The following FHIT variants were observed in gnomAD, a reference collection of about 807,000 sequenced individuals.
The protein encoded by FHIT is fragile histidine triad diadenosine triphosphatase, also known as bis(5'-adenosyl)-triphosphatase.
Under a neutral mutation model 17.9 loss-of-function variants are expected in FHIT, and 19 were observed. The observed-to-expected ratio is 1.06, with a 90% CI of 0.74 to 1.56. The LOEUF (loss-of-function observed/expected upper bound fraction) is 1.56, where lower values mean the gene tolerates loss of function less well. Ranked by LOEUF, FHIT falls within the 40% of genes most tolerant of loss-of-function variation. The pLI is 0.00. For missense variants in FHIT, 248 were observed against 189.2 expected (o/e 1.31, Z -1.82); for synonymous variants, 81 against 69.7 (o/e 1.16, Z -0.81).
chr3:60,552,071 G>C (rs916368221), intron 4 of FHIT, among the ~76,000 whole-genome samples: 4 of 151,990 alleles, frequency 2.6e-5, no homozygotes, highest in African/African-American at 9.7e-5. Flanking sequence ...ACATTCTATA[G>C]AAATGGAGTC....
intron 4 of FHIT, among the ~76,000 whole-genome samples, chr3:60,626,335 T>C (rs2039284732): frequency 6.6e-6 from 1 of 152,230 alleles, no homozygotes; most frequent in Admixed American, 6.5e-5. Flanking sequence ...TAACAATAAC[T>C]CTTCCAATCC....
At chr3:60,038,700 TA>T (rs5849316) in intron 5 of FHIT, among the ~76,000 whole-genome samples, 98,919 of 151,952 alleles carry the variant, frequency 0.65, 32,984 homozygotes, top group Middle Eastern at 0.8. Context: ...TCGCTACTGA[TA>T]AAAGAATTTA....
chr3:60,380,394 T>C (rs1451119246), intron 5 of FHIT, among the ~76,000 whole-genome samples: 1 of 152,220 alleles, frequency 6.6e-6, no homozygotes, highest in African/African-American at 2.4e-5. Flanking sequence ...GTTGGTGCCA[T>C]GCTTGTACAC....
chr3:59,901,458 C>T (rs1312901720), intron 8 of FHIT, among the ~76,000 whole-genome samples: 1 of 152,120 alleles, frequency 6.6e-6, no homozygotes, highest in Non-Finnish European at 1.5e-5. Context: ...CTTATATGGG[C>T]ACAGAATCTG....
At chr3:60,998,275 T>C (rs1342734848) in intron 3 of FHIT, among the ~76,000 whole-genome samples, 1 of 152,230 alleles carries the variant, frequency 6.6e-6, no homozygotes, top group Non-Finnish European at 1.5e-5. Flanking sequence ...GTTTGTTTGC[T>C]TGTTATTCAA....
At chr3:60,220,987 G>T (rs1011135824) in intron 5 of FHIT, among the ~76,000 whole-genome samples, 1 of 152,086 alleles carries the variant, frequency 6.6e-6, no homozygotes, top group African/African-American at 2.4e-5. Flanking sequence ...ATGGCTCCTG[G>T]CGGCTATTAA....
chr3:61,089,096 C>A (rs1181583414), intron 2 of FHIT, among the ~76,000 whole-genome samples: 2 of 152,022 alleles, frequency 1.3e-5, no homozygotes, highest in Admixed American at 6.6e-5. Context: ...GGTACTCAGA[C>A]TTTTTTTGAG....
intron 2 of FHIT, among the ~76,000 whole-genome samples, chr3:61,143,272 A>C (rs1174645511): frequency 6.6e-6 from 1 of 152,222 alleles, no homozygotes; most frequent in Non-Finnish European, 1.5e-5. Flanking sequence ...GAAAGAAAAA[A>C]ACAGTCATGA....
chr3:60,111,674 G>A (rs1019482125), intron 5 of FHIT, among the ~76,000 whole-genome samples: 23 of 152,266 alleles, frequency 1.5e-4, no homozygotes, highest in Admixed American at 1.4e-3. Context: ...ACAGACTATT[G>A]ATTTACAAAG....
chr3:60,523,440 C>G (rs190807077), intron 5 of FHIT, among the ~76,000 whole-genome samples: 42 of 151,972 alleles, frequency 2.8e-4, no homozygotes, highest in Non-Finnish European at 5.1e-4. Context: ...ATGGAAATTT[C>G]CTTGATTATT....
chr3:60,224,063 A>C (rs148102483), intron 5 of FHIT, among the ~76,000 whole-genome samples: 192 of 152,294 alleles, frequency 1.3e-3, no homozygotes, highest in African/African-American at 4.3e-3. Context: ...AAACATTAAC[A>C]ATAATAGCAA....
chr3:60,347,834 C>A (rs761785231), intron 5 of FHIT, among the ~76,000 whole-genome samples: 6 of 152,112 alleles, frequency 3.9e-5, no homozygotes, highest in Admixed American at 2.6e-4. Context: ...TCTTGGCTCA[C>A]TGCAACCTCC....
intron 3 of FHIT, among the ~76,000 whole-genome samples, chr3:61,024,949 C>G (rs2107654521): frequency 6.6e-6 from 1 of 152,074 alleles, no homozygotes; most frequent in East Asian, 1.9e-4. Flanking sequence ...TTTATAAAAG[C>G]TGTAAAGATA....
At chr3:59,909,601 A>T (rs1033901104) in intron 8 of FHIT, among the ~76,000 whole-genome samples, 7 of 151,414 alleles carry the variant, frequency 4.6e-5, no homozygotes, top group African/African-American at 7.3e-5. Flanking sequence ...GAGTATCTTT[A>T]TTTTTTTTTC....
At chr3:61,056,732 C>T (rs575405047) in intron 2 of FHIT, among the ~76,000 whole-genome samples, 1 of 152,218 alleles carries the variant, frequency 6.6e-6, no homozygotes, top group African/African-American at 2.4e-5. Context: ...TCTTAGGGAT[C>T]TGAATGTTCT....
chr3:60,281,475 C>G (rs1203181779), intron 5 of FHIT, among the ~76,000 whole-genome samples: 1 of 151,970 alleles, frequency 6.6e-6, no homozygotes, highest in East Asian at 1.9e-4. Context: ...GTACTGGTGA[C>G]AGAATAGGTA....
chr3:61,130,766 G>A lies in FHIT; in HGVS notation c.-164+69851C>T, dbSNP rs190656494. ...AGGCTATATAAAAATCTGCATTTAC[G>A]ATAACTCTTCTAGGCAGGGAGGTTG... On this transcript the variant is annotated intron_variant, in intron 2 of 9. Transcript: ENST00000492590. Among the ~76,000 whole-genome samples the A allele has an allele frequency of 2.1e-3, 327 of 152,278 alleles. 6 individuals carry two copies. The highest frequency in any genetic ancestry group is 0.018 in the Admixed American group (271 of 15,288).
At chr3:60,134,694 C>T (rs1052965471) in intron 5 of FHIT, among the ~76,000 whole-genome samples, 1 of 152,138 alleles carries the variant, frequency 6.6e-6, no homozygotes, top group African/African-American at 2.4e-5. Context: ...AAGAGAGACA[C>T]CGACAAATGT....
At chr3:60,915,880 C>A (rs1706970288) in intron 3 of FHIT, among the ~76,000 whole-genome samples, 1 of 151,998 alleles carries the variant, frequency 6.6e-6, no homozygotes, top group African/African-American at 2.4e-5. Flanking sequence ...AGATAATATA[C>A]ATACAAAGTG....
Sources: allele counts gnomAD v4.1 joint callset (sites outside exome capture counted in the v4.1 genomes callset), GRCh38; gene constraint gnomAD v4.1.1; transcripts MANE v1.5; gene names NCBI Gene and HGNC (gene_info 2026-07-23, HGNC 2026-07-21).